CLMN: variants seen among roughly 807,000 people sequenced by gnomAD.
The protein encoded by CLMN is calmin.
In CLMN, 57 loss-of-function variants were observed where a neutral mutation model predicts 92.7. That is an observed-to-expected ratio of 0.61 (90% confidence interval 0.50 to 0.77). CLMN has a LOEUF of 0.77. Among genes scored for constraint, CLMN ranks in the 30% least tolerant of loss-of-function variants. The probability of loss-of-function intolerance (pLI) is 0.00; values close to 1 mark genes in which losing one functional copy is unlikely to be tolerated. For synonymous variants in CLMN, 466 were observed against 470.6 expected (o/e 0.99, Z 0.13); for missense variants, 1,158 against 1,237.5 (o/e 0.94, Z 0.96).
In CLMN at chr14:95,246,763, G is replaced by A. The variant is rs547147350; in HGVS notation, c.83-16630C>T. Reference sequence around the variant, plus strand: ...ACTACAGGCGTGAGCCACGGCACCTGGCCACAAACTGTTTTTTAAAATGGA... The same window carrying A: ...ACTACAGGCGTGAGCCACGGCACCTAGCCACAAACTGTTTTTTAAAATGGA... On this transcript the variant is annotated intron_variant, in intron 1 of 12. Coordinates refer to ENST00000298912, the MANE Select transcript of CLMN (RefSeq NM_024734.4). Among the ~76,000 whole-genome samples the A allele has an allele frequency of 8.5e-5, 13 of 152,312 alleles. No individual in the cohort carries two copies. In the East Asian group the frequency reaches 2.1e-3, roughly 25 times the overall value.
intron 1 of CLMN, among the ~76,000 whole-genome samples, chr14:95,284,361 C>A (rs533683877): frequency 7.9e-5 from 12 of 152,218 alleles, no homozygotes; most frequent in Non-Finnish European, 2.9e-5. Flanking sequence ...GGGGTCAGAG[C>A]CCCCATACAG....
chr14:95,207,607 T>C (rs974916479), intron 8 of CLMN, among the ~76,000 whole-genome samples: 1 of 152,234 alleles, frequency 6.6e-6, no homozygotes, highest in African/African-American at 2.4e-5. Flanking sequence ...GGGTCAGATT[T>C]CCATTTTACA....
rs1436413117 is a variant in CLMN at position 95,182,360 on chromosome 14, T to A, written c.*9204A>T. On this transcript the variant is annotated 3_prime_UTR_variant, in exon 13 of 13. Coordinates refer to ENST00000298912, the MANE Select transcript of CLMN (RefSeq NM_024734.4). Reference sequence around the variant, plus strand: ...ACCAGACTCCCCCAAAATAAAACAATGATCACCACCCACTACAATATGGTC... The same window carrying A: ...ACCAGACTCCCCCAAAATAAAACAAAGATCACCACCCACTACAATATGGTC... 2.6e-5 allele frequency: 4 copies of A among 152,222 alleles called. No individual in the cohort carries two copies. The highest frequency in any genetic ancestry group is 5.9e-5 in the Non-Finnish European group (4 of 68,038). 9.4% of individuals were successfully genotyped at this position (152,222 alleles called of 1,614,324 possible). A position where few individuals can be genotyped will look rare whatever the true frequency, so the allele number is the denominator to read the frequency against.
intron 1 of CLMN, among the ~76,000 whole-genome samples, chr14:95,290,595 G>A (rs1042797765): frequency 3.1e-4 from 47 of 152,146 alleles, no homozygotes; most frequent in African/African-American, 1.1e-3. Flanking sequence ...AACAGGCAAG[G>A]CAACAGATTC....
intron 1 of CLMN, among the ~76,000 whole-genome samples, chr14:95,278,217 A>C (rs766322294): frequency 1.3e-5 from 2 of 152,234 alleles, no homozygotes; most frequent in Admixed American, 6.5e-5. Context: ...CCTTTGCAAA[A>C]GTTCAAAAGC....
intron 1 of CLMN, among the ~76,000 whole-genome samples, chr14:95,268,526 T>C (rs1454895209): frequency 6.6e-6 from 1 of 152,124 alleles, no homozygotes; most frequent in Non-Finnish European, 1.5e-5. Flanking sequence ...GGCATGACTA[T>C]AAAAGGGAAC....
intron 1 of CLMN, among the ~76,000 whole-genome samples, chr14:95,240,806 AG>A (rs1898216940): frequency 6.6e-6 from 1 of 152,172 alleles, no homozygotes; most frequent in Admixed American, 6.5e-5. Flanking sequence ...AGTCTCAGAG[AG>A]GGGAAGTGAT....
intron 4 of CLMN, among the ~76,000 whole-genome samples, chr14:95,218,743 G>A (rs1036747198): frequency 6.6e-6 from 1 of 152,254 alleles, no homozygotes; most frequent in African/African-American, 2.4e-5. Flanking sequence ...GGTAAATGGG[G>A]CCCAGTGGGG....
At position 95,303,095 on chromosome 14, in the gene CLMN, T is replaced by C. The variant is rs115527439; in HGVS notation, c.82+16616A>G. 2.0e-3 allele frequency among the ~76,000 whole-genome samples: 297 copies of C among 152,284 alleles called. 1 individual carries two copies. The highest frequency in any genetic ancestry group is 6.6e-3 in the African/African-American group (276 of 41,548). On this transcript the variant is annotated intron_variant, in intron 1 of 12. Coordinates refer to ENST00000298912, the MANE Select transcript of CLMN (RefSeq NM_024734.4). ...AAGATCAAGTAAAGTCAGTATCTGA[T>C]AGAGGCTCAAGCAGGATAACTTTTA...
At chr14:95,221,641 T>C (rs375315920) in intron 4 of CLMN, 50 bp downstream of exon 4, 49 of 1,532,030 alleles carry the variant, frequency 3.2e-5, no homozygotes, top group Non-Finnish European at 4.3e-5. Flanking sequence ...ATGACGTCCT[T>C]TTCCTAACAG....
intron 9 of CLMN, among the ~76,000 whole-genome samples, chr14:95,202,626 G>A (rs1595561456): frequency 6.6e-6 from 1 of 152,200 alleles, no homozygotes; most frequent in East Asian, 1.9e-4. Flanking sequence ...TGAGGTGCCC[G>A]TGTGCAGGAT....
chr14:95,184,355 A>G lies in CLMN; in HGVS notation c.*7209T>C, dbSNP rs1405217173. Reference sequence around the variant, plus strand: ...AAAAAAAAGGGTTCCTTTAAAGAGAACACTGCTAGATGAAGCTATTCTTGA... The same window carrying G: ...AAAAAAAAGGGTTCCTTTAAAGAGAGCACTGCTAGATGAAGCTATTCTTGA... On this transcript the variant is annotated 3_prime_UTR_variant, in exon 13 of 13. Coordinates refer to ENST00000298912, the MANE Select transcript of CLMN (RefSeq NM_024734.4). 1 of 152,204 alleles carries G rather than the reference A, an allele frequency of 6.6e-6. No individual in the cohort carries two copies. Among genetic ancestry groups the G allele is most frequent in the East Asian group, 1.9e-4 (1 of 5,192 alleles). 9.4% of individuals were successfully genotyped at this position (152,204 alleles called of 1,614,324 possible). A position where few individuals can be genotyped will look rare whatever the true frequency, so the allele number is the denominator to read the frequency against.
chr14:95,266,328 A>C (rs1899473474), intron 1 of CLMN, among the ~76,000 whole-genome samples: 1 of 152,262 alleles, frequency 6.6e-6, no homozygotes, highest in Non-Finnish European at 1.5e-5. Flanking sequence ...CCACCAAAAA[A>C]TGTTAGAACT....
chr14:95,195,612 A>C (rs1287566134), intron 10 of CLMN, among the ~76,000 whole-genome samples: 3 of 152,240 alleles, frequency 2.0e-5, no homozygotes, highest in Non-Finnish European at 2.9e-5. Flanking sequence ...AGAATGTGGA[A>C]TGTGGAGTGG....
chr14:95,212,590 G>A (rs1440776267), intron 6 of CLMN, among the ~76,000 whole-genome samples: 1 of 152,100 alleles, frequency 6.6e-6, no homozygotes, highest in Non-Finnish European at 1.5e-5. Context: ...TACAGACTCT[G>A]GAAGATACCC....
chr14:95,195,721 T>C (rs946518802), intron 10 of CLMN, among the ~76,000 whole-genome samples: 3 of 152,208 alleles, frequency 2.0e-5, no homozygotes, highest in Non-Finnish European at 4.4e-5. Flanking sequence ...AATGTGTCTA[T>C]AGGTGACGTG....
intron 3 of CLMN, chr14:95,222,597 G>C (rs769415928): frequency 1.3e-4 from 61 of 455,992 alleles, no homozygotes; most frequent in East Asian, 8.3e-4. Flanking sequence ...GGTGACCAGG[G>C]CTCTGGCAAT....
At chr14:95,251,991 T>C (rs1273271662) in intron 1 of CLMN, among the ~76,000 whole-genome samples, 2 of 152,104 alleles carry the variant, frequency 1.3e-5, no homozygotes, top group Non-Finnish European at 2.9e-5. Flanking sequence ...AAAGCCCAAC[T>C]TGATTGAAAA....
At chr14:95,228,214 A>C (rs906155612) in intron 2 of CLMN, among the ~76,000 whole-genome samples, 3 of 152,226 alleles carry the variant, frequency 2.0e-5, no homozygotes, top group African/African-American at 7.2e-5. Flanking sequence ...TGTGTCCCCC[A>C]GCAGGAATTT....
Sources: allele counts gnomAD v4.1 joint callset (sites outside exome capture counted in the v4.1 genomes callset), GRCh38; gene constraint gnomAD v4.1.1; transcripts MANE v1.5; gene names NCBI Gene and HGNC (gene_info 2026-07-23, HGNC 2026-07-21).